GALNT13: variants seen among roughly 807,000 people sequenced by gnomAD.
GALNT13 encodes the protein polypeptide N-acetylgalactosaminyltransferase 13, also known as UDP-GalNAc:polypeptide N-acetylgalactosaminyltransferase 13.
Under a neutral mutation model 64.2 loss-of-function variants are expected in GALNT13, and 28 were observed. That is an observed-to-expected ratio of 0.44 (90% CI 0.32 to 0.60). GALNT13 has a LOEUF of 0.60. Among genes scored for constraint, GALNT13 ranks in the 20% least tolerant of loss-of-function variants. The probability of loss-of-function intolerance (pLI) is 0.05; values close to 1 mark genes in which losing one functional copy is unlikely to be tolerated. For synonymous variants in GALNT13, 214 were observed against 224.6 expected (o/e 0.95, Z 0.42); for missense variants, 577 against 669.8 (o/e 0.86, Z 1.53).
the GALNT13 span, among the ~76,000 whole-genome samples, chr2:153,393,244 C>T: frequency 5.3e-5 from 8 of 151,096 alleles, no homozygotes; most frequent in African/African-American, 1.9e-4. Flanking sequence ...TTTGTAGTCT[C>T]AATAACAGAC....
At chr2:153,538,165 G>C in the GALNT13 span, among the ~76,000 whole-genome samples, 2 of 152,038 alleles carry the variant, frequency 1.3e-5, no homozygotes, top group Non-Finnish European at 2.9e-5. Context: ...ATGGAGATGA[G>C]AAACTTTTTG....
intron 10 of GALNT13, among the ~76,000 whole-genome samples, chr2:154,401,725 A>AT (rs2105374682): frequency 6.6e-6 from 1 of 152,266 alleles, no homozygotes; most frequent in Non-Finnish European, 1.5e-5. Flanking sequence ...TTCTCTCAGG[A>AT]TTTTGGTTGT....
At chr2:153,075,692 A>G in the GALNT13 span, among the ~76,000 whole-genome samples, 4 of 152,174 alleles carry the variant, frequency 2.6e-5, no homozygotes, top group Admixed American at 6.5e-5. Flanking sequence ...AATCAACTGT[A>G]CAAAAACAAG....
At chr2:153,359,877 A>G in the GALNT13 span, among the ~76,000 whole-genome samples, 62 of 152,306 alleles carry the variant, frequency 4.1e-4, no homozygotes, top group African/African-American at 1.4e-3. Context: ...AATGAGTCCA[A>G]TTGAAATACG....
chr2:153,344,774 A>C, the GALNT13 span, among the ~76,000 whole-genome samples: 32 of 152,248 alleles, frequency 2.1e-4, no homozygotes, highest in Admixed American at 2.1e-3. Flanking sequence ...ACATGGTAAC[A>C]GTATGAGGTG....
chr2:153,821,401 G>A, the GALNT13 span, among the ~76,000 whole-genome samples: 52 of 152,146 alleles, frequency 3.4e-4, no homozygotes, highest in African/African-American at 6.7e-4. Context: ...CTTTTAGATC[G>A]CTGTAGAATA....
the GALNT13 span, chr2:153,478,812 A>AG: frequency 1.5e-4 from 67 of 446,330 alleles, no homozygotes; most frequent in African/African-American, 7.7e-4. Flanking sequence ...CGCTCGCTCG[A>AG]GGGGGGGCTG....
chr2:153,407,964 C>T, the GALNT13 span, among the ~76,000 whole-genome samples: 306 of 152,202 alleles, frequency 2.0e-3, no homozygotes, highest in Non-Finnish European at 2.1e-3. Flanking sequence ...GTCATAGCAT[C>T]GAAATGCGTG....
chr2:153,384,703 C>G, the GALNT13 span, among the ~76,000 whole-genome samples: 7 of 152,042 alleles, frequency 4.6e-5, no homozygotes, highest in Non-Finnish European at 8.8e-5. Flanking sequence ...TGCATCCAGT[C>G]TAGTTAAGTG....
chr2:154,154,574 C>A (rs1684288312), intron 4 of GALNT13, among the ~76,000 whole-genome samples: 1 of 152,014 alleles, frequency 6.6e-6, no homozygotes, highest in African/African-American at 2.4e-5. Context: ...TCCCTATTGA[C>A]TATTATAGTC....
At chr2:153,809,646 G>A in the GALNT13 span, among the ~76,000 whole-genome samples, 1 of 152,110 alleles carries the variant, frequency 6.6e-6, no homozygotes, top group East Asian at 1.9e-4. Context: ...CATTGAAGTG[G>A]GTCTATTAAT....
chr2:153,508,337 A>G, the GALNT13 span, among the ~76,000 whole-genome samples: 1 of 152,148 alleles, frequency 6.6e-6, no homozygotes, highest in Non-Finnish European at 1.5e-5. Context: ...AGGTGGGAGC[A>G]GGGATAGACA....
At chr2:153,332,857 A>G in the GALNT13 span, among the ~76,000 whole-genome samples, 1 of 152,202 alleles carries the variant, frequency 6.6e-6, no homozygotes, top group Non-Finnish European at 1.5e-5. Flanking sequence ...TACCATGATC[A>G]CAGGGGAACA....
At chr2:153,403,895 C>T in the GALNT13 span, among the ~76,000 whole-genome samples, 2 of 152,190 alleles carry the variant, frequency 1.3e-5, no homozygotes, top group African/African-American at 4.8e-5. Flanking sequence ...TCTTCTGCGT[C>T]GCTCACACTG....
At chr2:153,541,481 A>G in the GALNT13 span, among the ~76,000 whole-genome samples, 2 of 152,290 alleles carry the variant, frequency 1.3e-5, no homozygotes, top group East Asian at 3.9e-4. Context: ...CATAGAAACT[A>G]GAATCCTTCT....
the GALNT13 span, among the ~76,000 whole-genome samples, chr2:153,380,243 G>A: frequency 6.6e-6 from 1 of 152,132 alleles, no homozygotes; most frequent in Non-Finnish European, 1.5e-5. Context: ...TCTTCAAACA[G>A]TACACTCTAA....
intron 11 of GALNT13, among the ~76,000 whole-genome samples, chr2:154,421,966 TA>T (rs1700275192): frequency 6.6e-6 from 1 of 151,886 alleles, no homozygotes; most frequent in Non-Finnish European, 1.5e-5. Context: ...AAAGTTCTGA[TA>T]AGGACAGGAA....
At chr2:154,412,129 C>T (rs1699822044) in intron 11 of GALNT13, among the ~76,000 whole-genome samples, 1 of 151,748 alleles carries the variant, frequency 6.6e-6, no homozygotes, top group Admixed American at 6.6e-5. Context: ...AAGCACAACA[C>T]TTAATTTGGT....
intron 12 of GALNT13, among the ~76,000 whole-genome samples, chr2:154,441,010 A>C (rs913722169): frequency 6.6e-6 from 1 of 152,174 alleles, no homozygotes; most frequent in Non-Finnish European, 1.5e-5. Flanking sequence ...TTCCAGGAGT[A>C]GTAGCATCAC....
Sources: allele counts gnomAD v4.1 joint callset (sites outside exome capture counted in the v4.1 genomes callset), GRCh38; gene constraint gnomAD v4.1.1; transcripts MANE v1.5; gene names NCBI Gene and HGNC (gene_info 2026-07-23, HGNC 2026-07-21).